The following NDRG3 variants were observed in gnomAD, a reference collection of about 807,000 sequenced individuals.
NDRG3 encodes the protein NDRG family member 3, also known as protein NDRG3.
Under a neutral mutation model 57.2 loss-of-function variants are expected in NDRG3, and 23 were observed. The observed-to-expected ratio is 0.40, with a 90% CI of 0.29 to 0.57. The LOEUF is 0.57. Among genes scored for constraint, NDRG3 ranks in the 20% least tolerant of loss-of-function variants. NDRG3 has a pLI of 0.42. For synonymous variants in NDRG3, 132 were observed against 162.6 expected (o/e 0.81, Z 1.43); for missense variants, 384 against 457.3 (o/e 0.84, Z 1.46).
rs760764433 is a variant in NDRG3, at chr20:36,671,329, A to ACAGG, written c.588+8_588+11dup. On this transcript the variant is annotated intron_variant, in intron 9 of 15. Transcript: ENST00000349004. ...AATAAACACAGCTCTTCTGGGTGGAACAGGTACTTACCTGCCCAAAGTGAT... is the reference window on the plus strand; with the variant it reads ...AATAAACACAGCTCTTCTGGGTGGAACAGGCAGGTACTTACCTGCCCAAAGTGAT... 4 of 1,609,556 alleles carry ACAGG rather than the reference A, an allele frequency of 2.5e-6. No individual in the cohort carries two copies. In the African/African-American group the frequency reaches 5.3e-5, roughly 22 times the overall value.
At chr20:36,711,143 G>A (rs867230799) in intron 2 of NDRG3, among the ~76,000 whole-genome samples, 2 of 149,994 alleles carry the variant, frequency 1.3e-5, no homozygotes, top group Non-Finnish European at 1.5e-5. Flanking sequence ...ATAGCCGGGC[G>A]TGGTGGCAGG....
At chr20:36,680,525 ACAG>A (rs1981184295) in intron 8 of NDRG3, among the ~76,000 whole-genome samples, 1 of 152,024 alleles carries the variant, frequency 6.6e-6, no homozygotes, top group Non-Finnish European at 1.5e-5. Context: ...TTCCAATTTA[ACAG>A]ATAAAACTGT....
At position 36,687,495 on chromosome 20, in the gene NDRG3, G is replaced by A. The variant is rs140732476; in HGVS notation, c.317C>T (p.Thr106Ile). 85 of 1,613,434 alleles carry A rather than the reference G, an allele frequency of 5.3e-5. No homozygotes were observed. In the African/African-American group the frequency reaches 1.0e-3, roughly 19 times the overall value. The change falls in exon 5 of 16, where the codon ACA becomes ATA. Residue 106 changes from threonine to isoleucine, a missense_variant. By Grantham distance (89) the Thr-to-Ile change is moderately conservative (BLOSUM62 -1). Coordinates refer to ENST00000349004, the MANE Select transcript of NDRG3 (RefSeq NM_032013.4). The stretch of plus-strand genomic sequence containing the variant: ...GATGATCTTTTCGTGGCCTTACCCT[G>A]TTGGGAAAGAGGGTGCACCTTCCTG... ...GQQEGAPSFP[T>I]GYQYPTMDEL...
At chr20:36,700,394 T>C (rs769698226) in intron 3 of NDRG3, 20 of 508,008 alleles carry the variant, frequency 3.9e-5, no homozygotes, top group Non-Finnish European at 7.6e-5. Flanking sequence ...AATGTAAATA[T>C]GCTTAGCAGA....
chr20:36,658,927 C>T (rs1978913981), intron 13 of NDRG3, among the ~76,000 whole-genome samples: 1 of 151,372 alleles, frequency 6.6e-6, no homozygotes, highest in Admixed American at 6.6e-5. Context: ...CCATTATCTT[C>T]TCACAATATT....
chr20:36,730,951 AAAG>A, intron 1 of NDRG3, among the ~76,000 whole-genome samples: 1 of 151,934 alleles, frequency 6.6e-6, no homozygotes, highest in Admixed American at 6.6e-5. Context: ...AAAAAAAAAA[AAAG>A]AAAGAAAGAA....
At chr20:36,669,379 G>GC (rs55743448) in intron 9 of NDRG3, among the ~76,000 whole-genome samples, 152,242 of 152,244 alleles carry the variant, frequency 1, 76,120 homozygotes, top group Non-Finnish European at 1. Context: ...ACAGGCGCGT[G>GC]CACCACACGT....
At chr20:36,700,602 A>G (rs1401957058) in intron 3 of NDRG3, 1 of 423,940 alleles carries the variant, frequency 2.4e-6, no homozygotes, top group Non-Finnish European at 4.7e-6. Context: ...TTAGTCAATT[A>G]TCATCTGTTT....
chr20:36,692,086 AC>A (rs1271405337), intron 3 of NDRG3, among the ~76,000 whole-genome samples: 1 of 152,234 alleles, frequency 6.6e-6, no homozygotes, highest in Non-Finnish European at 1.5e-5. Flanking sequence ...CACTAAACAG[AC>A]AGGAAAATGG....
At chr20:36,708,905 G>A (rs1162117495) in intron 2 of NDRG3, among the ~76,000 whole-genome samples, 1 of 152,046 alleles carries the variant, frequency 6.6e-6, no homozygotes, top group Non-Finnish European at 1.5e-5. Flanking sequence ...AGGTGTGGTG[G>A]TGCATGCCTG....
intron 3 of NDRG3, among the ~76,000 whole-genome samples, chr20:36,699,904 C>T (rs1373299778): frequency 2.0e-5 from 3 of 151,870 alleles, no homozygotes; most frequent in Admixed American, 1.3e-4. Flanking sequence ...AGGCGGATCA[C>T]GAGGTCAGGA....
At chr20:36,725,376 A>G (rs1275269) in intron 1 of NDRG3, among the ~76,000 whole-genome samples, 10,553 of 151,950 alleles carry the variant, frequency 0.069, 1,275 homozygotes, top group African/African-American at 0.24. Flanking sequence ...CTGGGAGGCC[A>G]AGGTGGGTGG....
intron 9 of NDRG3, among the ~76,000 whole-genome samples, chr20:36,669,387 C>T (rs975801450): frequency 1.3e-5 from 2 of 151,590 alleles, no homozygotes; most frequent in African/African-American, 2.4e-5. Context: ...GTGCACCACA[C>T]GTGGCTAATT....
intron 12 of NDRG3, among the ~76,000 whole-genome samples, chr20:36,663,355 T>C (rs1012463711): frequency 1.4e-4 from 21 of 152,230 alleles, no homozygotes; most frequent in Admixed American, 6.5e-5. Flanking sequence ...CCTCTGATTA[T>C]TTGCTAGACT....
chr20:36,718,087 C>G (rs1984379126), intron 2 of NDRG3, among the ~76,000 whole-genome samples: 1 of 152,230 alleles, frequency 6.6e-6, no homozygotes, highest in Non-Finnish European at 1.5e-5. Context: ...ATCTGTGCTC[C>G]TTCCTCATCA....
intron 6 of NDRG3, among the ~76,000 whole-genome samples, chr20:36,683,539 C>A (rs1431435949): frequency 6.6e-6 from 1 of 151,900 alleles, no homozygotes; most frequent in East Asian, 1.9e-4. Flanking sequence ...ATCGTTTGAA[C>A]CCAGGAGGCA....
At chr20:36,657,665 C>CATG (rs1247254225) in intron 13 of NDRG3, among the ~76,000 whole-genome samples, 1 of 152,050 alleles carries the variant, frequency 6.6e-6, no homozygotes, top group Non-Finnish European at 1.5e-5. Context: ...TAAAAAGGAA[C>CATG]ATGAACCCCA....
At chr20:36,697,943 T>G (rs1165221737) in intron 3 of NDRG3, among the ~76,000 whole-genome samples, 1 of 151,678 alleles carries the variant, frequency 6.6e-6, no homozygotes, top group Non-Finnish European at 1.5e-5. Flanking sequence ...TTACATAATT[T>G]GCGAGTTTTT....
intron 12 of NDRG3, among the ~76,000 whole-genome samples, chr20:36,661,321 T>A (rs1033773054): frequency 1.3e-5 from 2 of 152,208 alleles, no homozygotes; most frequent in Non-Finnish European, 2.9e-5. Context: ...AAGGCAGGGA[T>A]CTCAAAGAAA....
Sources: allele counts gnomAD v4.1 joint callset (sites outside exome capture counted in the v4.1 genomes callset), GRCh38; gene constraint gnomAD v4.1.1; transcripts MANE v1.5; gene names NCBI Gene and HGNC (gene_info 2026-07-23, HGNC 2026-07-21).